The following SLC41A3 variants were observed in gnomAD, a reference collection of about 807,000 sequenced individuals.
SLC41A3 encodes SLC41A1-like 2.
In SLC41A3, 44 loss-of-function variants were observed where a neutral mutation model predicts 45.4. The ratio of observed to expected loss-of-function variants is 0.97; its 90% CI spans 0.76 to 1.25. SLC41A3 has a LOEUF of 1.25. SLC41A3 is among the 50% of genes most tolerant of loss of function. The probability of loss-of-function intolerance (pLI) is 0.00; values close to 1 mark genes in which losing one functional copy is unlikely to be tolerated. For synonymous variants in SLC41A3, 256 were observed against 252.4 expected, an observed-to-expected ratio of 1.01 and a Z score of -0.13; for missense variants, 550 against 600.6, an observed-to-expected ratio of 0.92 and a Z score of 0.88.
intron 5 of SLC41A3, chr3:126,025,722 G>A (rs1215416083): frequency 6.6e-6 from 1 of 152,546 alleles, no homozygotes; most frequent in South Asian, 2.1e-4. Flanking sequence ...GCCTCAAAGG[G>A]AGCAGCTGTG....
chr3:126,006,760 C>T lies in SLC41A3; in HGVS notation c.*256G>A. 6.9e-7 allele frequency: 1 copy of T among 1,443,600 alleles called. No individual in the cohort carries two copies. Among genetic ancestry groups the T allele is most frequent in the Non-Finnish European group, 9.1e-7 (1 of 1,104,226 alleles). The allele number at this position is 1,443,600 out of a possible 1,614,324, so 89.4% of individuals were successfully genotyped here. A position where few individuals can be genotyped will look rare whatever the true frequency, so the allele number is the denominator to read the frequency against. ...CCTCCTCTCCACAAACGTGTGCACA[C>T]TTGCACGCTCATTAAGCATGTGCAC... On this transcript the variant is annotated 3_prime_UTR_variant, in exon 11 of 11. Coordinates refer to ENST00000360370, the MANE Select transcript of SLC41A3 (RefSeq NM_017836.4).
intron 6 of SLC41A3, among the ~76,000 whole-genome samples, chr3:126,022,449 G>A (rs77622925): frequency 9.2e-5 from 14 of 152,226 alleles, no homozygotes; most frequent in African/African-American, 3.1e-4. Flanking sequence ...TCTTGCTGGC[G>A]GGGACTCTGT....
chr3:126,022,621 C>T (rs961075402), intron 6 of SLC41A3, among the ~76,000 whole-genome samples, 165 bp downstream of exon 6: 2 of 152,248 alleles, frequency 1.3e-5, no homozygotes, highest in African/African-American at 4.8e-5. Flanking sequence ...CCTTTCATTA[C>T]TGCCAAGTTA....
chr3:126,084,035 G>A (rs979553831), intron 1 of SLC41A3, 58 bp downstream of exon 1: 15 of 151,154 alleles, frequency 9.9e-5, no homozygotes, highest in African/African-American at 3.4e-4. Flanking sequence ...GACCCCCCTT[G>A]GGCCCCAGCT....
At chr3:126,089,447 A>G (rs774982954) in intron 1 of SLC41A3, among the ~76,000 whole-genome samples, 1 of 152,230 alleles carries the variant, frequency 6.6e-6, no homozygotes, top group Admixed American at 6.5e-5. Flanking sequence ...TCTTATGAAA[A>G]TGGGTACTGC....
rs1031972128 is a variant in SLC41A3, at chr3:126,026,633, A to G, written c.454-154T>C. On this transcript the variant is annotated intron_variant, in intron 4 of 10. Coordinates refer to ENST00000360370, the MANE Select transcript of SLC41A3 (RefSeq NM_017836.4). This position sits in a 1 kb window ranked among gnomAD's most constrained non-coding sequence, Gnocchi z 4.2. ...ATCTCACAGGCCCTCACCCCAGGAA[A>G]AACTAATACCACACCCCACACCTGC... Among the ~76,000 whole-genome samples the G allele has an allele frequency of 6.6e-6, 1 of 152,094 alleles. No homozygotes were observed. The highest frequency in any genetic ancestry group is 2.4e-5 in the African/African-American group (1 of 41,406).
intron 2 of SLC41A3, among the ~76,000 whole-genome samples, chr3:126,066,668 T>C (rs1367339205): frequency 3.3e-5 from 5 of 152,190 alleles, no homozygotes; most frequent in African/African-American, 7.2e-5. Context: ...AAGATAGTTA[T>C]AGGAAATAGT....
At chr3:126,056,179 G>A (rs76272693) in intron 2 of SLC41A3, among the ~76,000 whole-genome samples, 4,169 of 152,212 alleles carry the variant, frequency 0.027, 136 homozygotes, top group African/African-American at 0.08. Flanking sequence ...AGGTCTCAGC[G>A]TTGGAGGTCC....
chr3:126,029,366 T>C (rs1370042647), intron 4 of SLC41A3, among the ~76,000 whole-genome samples: 6 of 149,788 alleles, frequency 4.0e-5, no homozygotes, highest in African/African-American at 5.0e-5. Flanking sequence ...TATGTGGCAC[T>C]CCCTCCCCCA....
intron 9 of SLC41A3, 137 bp from the exon 10 acceptor site, chr3:126,009,017 C>G: frequency 9.8e-7 from 1 of 1,016,502 alleles, no homozygotes; most frequent in Non-Finnish European, 1.5e-6. Context: ...CTGTGGCAAG[C>G]ATATTCTGGC....
intron 2 of SLC41A3, among the ~76,000 whole-genome samples, chr3:126,065,408 T>C (rs577215030): frequency 6.6e-6 from 1 of 152,384 alleles, no homozygotes; most frequent in Admixed American, 6.5e-5. Flanking sequence ...ATATAAGCAC[T>C]TTAATGAAAA....
At chr3:126,059,310 G>GAAAAGAAAGAAAGAGAAA (rs1553740822) in intron 2 of SLC41A3, among the ~76,000 whole-genome samples, 3 of 88,194 alleles carry the variant, frequency 3.4e-5, no homozygotes, top group African/African-American at 1.3e-4. Flanking sequence ...AAGAAAGAAA[G>GAAAAGAAAGAAAGAGAAA]GAAGGATGAT....
chr3:126,044,151 T>A (rs1051173482), intron 3 of SLC41A3, among the ~76,000 whole-genome samples: 1 of 152,226 alleles, frequency 6.6e-6, no homozygotes, highest in African/African-American at 2.4e-5. Context: ...GAGGTGGCTA[T>A]GCTAATATGA....
At chr3:126,040,118 A>G (rs1331198013) in intron 3 of SLC41A3, among the ~76,000 whole-genome samples, 2 of 152,246 alleles carry the variant, frequency 1.3e-5, no homozygotes, top group Non-Finnish European at 2.9e-5. Flanking sequence ...AGCAGGAGCC[A>G]TCTGAGCTAG....
Position 126,012,666 on chromosome 3 carries a change from G to C in SLC41A3, c.1054C>G (p.Leu352Val), listed in dbSNP as rs1939839301. ...HMWSAPGVLP[L>V]QMKKFWPNPC... The stretch of plus-strand genomic sequence containing the variant: ...TTGGGCCAGAATTTCTTCATCTGGA[G>C]GGGCAGGACGCCAGGTGCACTCCAC... The change falls in exon 9 of 11, where the codon CTC becomes GTC. Residue 352 changes from leucine (L) to valine (V), a missense_variant. Physicochemically the swap from Leu to Val is conservative, Grantham distance 32. Coordinates refer to ENST00000360370, the MANE Select transcript of SLC41A3 (RefSeq NM_017836.4). 6.2e-7 allele frequency: 1 copy of C among 1,614,198 alleles called. No individual in the cohort carries two copies. The highest frequency in any genetic ancestry group is 1.3e-5 in the African/African-American group (1 of 75,052).
At chr3:126,061,380 C>G (rs1290198755) in intron 2 of SLC41A3, among the ~76,000 whole-genome samples, 1 of 152,216 alleles carries the variant, frequency 6.6e-6, no homozygotes, top group East Asian at 1.9e-4. Flanking sequence ...CAAGCAGCCT[C>G]TCTTGCCTCC....
chr3:126,094,433 C>T (rs1288696950), intron 1 of SLC41A3, among the ~76,000 whole-genome samples: 1 of 152,142 alleles, frequency 6.6e-6, no homozygotes, highest in African/African-American at 2.4e-5. Flanking sequence ...GGGCACATAG[C>T]TCCAACATTT....
At chr3:126,069,070 G>A (rs932392507) in intron 1 of SLC41A3, among the ~76,000 whole-genome samples, 1 of 148,686 alleles carries the variant, frequency 6.7e-6, no homozygotes, top group Non-Finnish European at 1.5e-5. Flanking sequence ...CATCTATTAG[G>A]TTGGTGCGAA....
chr3:126,058,037 G>A (rs1251901206), intron 2 of SLC41A3: 1 of 152,270 alleles, frequency 6.6e-6, no homozygotes, highest in African/African-American at 2.4e-5. Flanking sequence ...CAGCCACTCT[G>A]CTGTGAGGAA....
Sources: gnomAD v4.1 joint callset for allele counts (sites outside exome capture counted in the v4.1 genomes callset) on GRCh38, gnomAD v4.1.1 for gene constraint, Gnocchi (gnomAD v3.1) non-coding constraint, MANE v1.5 for transcripts, NCBI Gene and HGNC (gene_info 2026-07-23, HGNC 2026-07-21) for gene names.